The following RIMS2 variants were observed in gnomAD, a reference collection of about 807,000 sequenced individuals.
The protein encoded by RIMS2 is regulating synaptic membrane exocytosis protein 2.
RIMS2 carries 59 observed loss-of-function variants against 174.4 expected under a neutral mutation model. The observed-to-expected ratio is 0.34, with a 90% CI of 0.27 to 0.42. The LOEUF (loss-of-function observed/expected upper bound fraction) is 0.42, where lower values mean the gene tolerates loss of function less well. Ranked by LOEUF, RIMS2 falls within the 10% of genes least tolerant of loss-of-function variation. RIMS2 has a pLI of 1.00. For missense variants in RIMS2, 1,620 were observed against 1,666.3 expected (o/e 0.97, Z 0.48); for synonymous variants, 606 against 572.5 (o/e 1.06, Z -0.84).
chr8:104,251,295 A>G, intron 23 of RIMS2, 132 bp downstream of exon 29: 1 of 795,074 alleles, frequency 1.3e-6, no homozygotes, highest in Non-Finnish European at 2.0e-6. Flanking sequence ...TTTTCAAAGC[A>G]GTGGCCCGTG....
intron 19 of RIMS2, among the ~76,000 whole-genome samples, chr8:104,133,323 CA>C (rs1332690815): frequency 3.3e-5 from 5 of 152,098 alleles, no homozygotes; most frequent in African/African-American, 1.2e-4. Flanking sequence ...ACCAGATCTC[CA>C]AAATCTTGTA....
chr8:103,623,387 A>C (rs992817842), intron 1 of RIMS2, among the ~76,000 whole-genome samples: 25 of 151,998 alleles, frequency 1.6e-4, no homozygotes, highest in Admixed American at 1.3e-3. Flanking sequence ...AATGATAAAA[A>C]TATGTAGTAT....
chr8:103,803,123 G>A (rs1045850373), intron 3 of RIMS2, among the ~76,000 whole-genome samples: 1 of 152,060 alleles, frequency 6.6e-6, no homozygotes. Context: ...TACTAAGGAC[G>A]TAGCTCATGG....
intron 19 of RIMS2, among the ~76,000 whole-genome samples, chr8:104,095,634 G>A (rs560010721): frequency 6.6e-6 from 1 of 151,986 alleles, no homozygotes; most frequent in East Asian, 1.9e-4. Flanking sequence ...AGGATATGAC[G>A]TTATTCTAAT....
intron 1 of RIMS2, among the ~76,000 whole-genome samples, chr8:103,598,684 A>G (rs994309501): frequency 3.3e-5 from 5 of 152,176 alleles, no homozygotes; most frequent in African/African-American, 1.2e-4. Context: ...ACATGATGAT[A>G]TAATGGTTTT....
chr8:103,621,470 G>C (rs1282473028), intron 1 of RIMS2, among the ~76,000 whole-genome samples: 3 of 152,246 alleles, frequency 2.0e-5, no homozygotes, highest in Non-Finnish European at 4.4e-5. Flanking sequence ...AAATAAGGAA[G>C]AGGAATAGGC....
intron 16 of RIMS2, among the ~76,000 whole-genome samples, chr8:103,987,214 A>G (rs1402784008): frequency 2.6e-5 from 4 of 151,950 alleles, no homozygotes; most frequent in Non-Finnish European, 4.4e-5. Flanking sequence ...CTAGACTCGA[A>G]CTCCTGGGCT....
chr8:103,813,039 A>G (rs1191511421), intron 3 of RIMS2, among the ~76,000 whole-genome samples: 3 of 152,160 alleles, frequency 2.0e-5, no homozygotes, highest in Admixed American at 6.5e-5. Flanking sequence ...TTCCTTTAGC[A>G]TTTCAGGGAT....
chr8:103,568,549 T>C, intron 1 of RIMS2: 1 of 449,290 alleles, frequency 2.2e-6, no homozygotes, highest in East Asian at 4.9e-5. Context: ...ACTGGTGCTA[T>C]AAGTCTGGAA....
chr8:103,763,813 A>C (rs987277382), intron 2 of RIMS2, among the ~76,000 whole-genome samples: 1 of 152,206 alleles, frequency 6.6e-6, no homozygotes, highest in Non-Finnish European at 1.5e-5. Flanking sequence ...CCACAGAAAC[A>C]ATACTACTTG....
chr8:104,129,617 A>G (rs2098458781), intron 19 of RIMS2, among the ~76,000 whole-genome samples: 2 of 152,224 alleles, frequency 1.3e-5, no homozygotes, highest in Non-Finnish European at 2.9e-5. Context: ...AGCTTGGCCT[A>G]CAAAGAACTG....
chr8:104,148,492 A>G (rs2098661951), intron 19 of RIMS2, 115 bp from the exon 25 acceptor site: 2 of 1,056,384 alleles, frequency 1.9e-6, no homozygotes, highest in Middle Eastern at 2.2e-4. Flanking sequence ...ACTCCTAAAA[A>G]TATATTCCAT....
intron 2 of RIMS2, among the ~76,000 whole-genome samples, chr8:103,706,993 T>A (rs558674422): frequency 6.6e-6 from 1 of 152,352 alleles, no homozygotes; most frequent in East Asian, 1.9e-4. Context: ...TTTTCTTTTT[T>A]ATCCTATGCG....
chr8:103,587,321 A>G (rs1361094520), intron 1 of RIMS2, among the ~76,000 whole-genome samples: 1 of 151,932 alleles, frequency 6.6e-6, no homozygotes, highest in Non-Finnish European at 1.5e-5. Flanking sequence ...ATTTTGAAAA[A>G]TAGAGGAGGA....
At chr8:103,992,531 A>G (rs2154550824) in intron 17 of RIMS2, among the ~76,000 whole-genome samples, 1 of 152,204 alleles carries the variant, frequency 6.6e-6, no homozygotes, top group South Asian at 2.1e-4. Context: ...TTCAGGCAAG[A>G]CCAAGAGCAA....
chr8:104,058,082 C>G (rs1216030333), intron 19 of RIMS2, among the ~76,000 whole-genome samples: 2 of 149,320 alleles, frequency 1.3e-5, no homozygotes, highest in Non-Finnish European at 3.0e-5. Flanking sequence ...GGGTATATAC[C>G]CAGTAATGGG....
At chr8:103,795,363 C>T (rs894115177) in intron 3 of RIMS2, among the ~76,000 whole-genome samples, 48 of 142,994 alleles carry the variant, frequency 3.4e-4, no homozygotes, top group African/African-American at 1.2e-3. Context: ...TGTTCTCACT[C>T]ATAGGTGGGA....
intron 15 of RIMS2, among the ~76,000 whole-genome samples, chr8:103,967,851 C>CCTTTTTTTTTT (rs1299977306): frequency 9.1e-6 from 1 of 109,556 alleles, no homozygotes. Context: ...CCTACTCCTG[C>CCTTTTTTTTTT]TTTTTTTTTT....
At chr8:103,726,193 A>C (rs541117375) in intron 2 of RIMS2, among the ~76,000 whole-genome samples, 1 of 152,330 alleles carries the variant, frequency 6.6e-6, no homozygotes. Flanking sequence ...TAAACCCATC[A>C]TAAGTTAAAG....
Sources: allele counts gnomAD v4.1 joint callset (sites outside exome capture counted in the v4.1 genomes callset), GRCh38; gene constraint gnomAD v4.1.1; transcripts MANE v1.5; gene names NCBI Gene and HGNC (gene_info 2026-07-23, HGNC 2026-07-21).